ANKRD28: variants seen among roughly 807,000 people sequenced by gnomAD.
ANKRD28 encodes the protein serine/threonine-protein phosphatase 6 regulatory ankyrin repeat subunit A.
Under a neutral mutation model 126.5 loss-of-function variants are expected in ANKRD28, and 44 were observed. The ratio of observed to expected loss-of-function variants is 0.35; its 90% confidence interval spans 0.27 to 0.45. The LOEUF (loss-of-function observed/expected upper bound fraction) is 0.45, where lower values mean the gene tolerates loss of function less well. Among genes scored for constraint, ANKRD28 ranks in the 20% least tolerant of loss-of-function variants. The pLI is 1.00. For synonymous variants in ANKRD28, 442 were observed against 468.5 expected (o/e 0.94, Z 0.73); for missense variants, 1,110 against 1,316.6 (o/e 0.84, Z 2.43).
intron 2 of ANKRD28, among the ~76,000 whole-genome samples, chr3:15,771,741 A>G (rs927698009): frequency 2.6e-5 from 4 of 152,188 alleles, no homozygotes; most frequent in Non-Finnish European, 5.9e-5. Context: ...CATCCAAACG[A>G]TATCATTTAT....
intron 14 of ANKRD28, among the ~76,000 whole-genome samples, chr3:15,706,413 A>G (rs2071405892): frequency 9.2e-6 from 1 of 108,296 alleles, no homozygotes; most frequent in Non-Finnish European, 2.3e-5. Flanking sequence ...TACAAAGGAC[A>G]TAAACTCCTC....
intron 18 of ANKRD28, among the ~76,000 whole-genome samples, chr3:15,688,506 T>C (rs1381240601): frequency 6.6e-6 from 1 of 152,224 alleles, no homozygotes; most frequent in Non-Finnish European, 1.5e-5. Flanking sequence ...TCAAACCATA[T>C]AGTAGTGTAT....
rs749503215 is a variant in ANKRD28 at position 15,713,650 on chromosome 3, T to C, written c.1076-9A>G. The C allele has an allele frequency of 1.5e-5, 23 of 1,568,864 alleles. No individual in the cohort carries two copies. The East Asian group carries it at 2.1e-4, about 14-fold the overall frequency. On this transcript the variant is annotated splice_polypyrimidine_tract_variant and intron_variant, in intron 9 of 27. Coordinates refer to ENST00000683139, the MANE Select transcript of ANKRD28 (RefSeq NM_001349278.2). ...ACAGTCGATTACAGCTCCTGCAATA[T>C]AGGACTTACTGTCAGACACTGGACC...
chr3:15,712,498 T>A (rs921763093), intron 10 of ANKRD28, among the ~76,000 whole-genome samples: 2 of 152,212 alleles, frequency 1.3e-5, no homozygotes, highest in Non-Finnish European at 2.9e-5. Flanking sequence ...GCTTACAGGC[T>A]GTTCAGCAGC....
In ANKRD28 at chr3:15,754,072, T is replaced by C. The variant is rs560039669; in HGVS notation, c.281-2252A>G. On this transcript the variant is annotated intron_variant, in intron 3 of 27. Coordinates refer to ENST00000683139, the MANE Select transcript of ANKRD28 (RefSeq NM_001349278.2). ...ACTTTTATGTAGAAAAAGGAAGAGA[T>C]AATTATTTTTATCTTATCACACAAT... 5.3e-5 allele frequency among the ~76,000 whole-genome samples: 8 copies of C among 152,356 alleles called. 1 individual carries two copies. The South Asian group carries it at 1.2e-3, about 24-fold the overall frequency.
In ANKRD28 at chr3:15,843,544, G is replaced by A. The variant is rs1368339400; in HGVS notation, c.27+15833C>T. On this transcript the variant is annotated intron_variant, in intron 1 of 27. Transcript: ENST00000399451. This position sits in a 1 kb window ranked among gnomAD's most constrained non-coding sequence, Gnocchi z 5.2. ...AACAATACACCTCAATTTCAAATAA[G>A]GATAGAATTAGGAGTACAGCAGAAT... 6.6e-6 allele frequency among the ~76,000 whole-genome samples: 1 copy of A among 151,554 alleles called. No individual in the cohort carries two copies. Among genetic ancestry groups the A allele is most frequent in the Non-Finnish European group, 1.5e-5 (1 of 67,928 alleles).
At chr3:15,796,079 T>C (rs1464963769) in intron 1 of ANKRD28, among the ~76,000 whole-genome samples, 2 of 152,016 alleles carry the variant, frequency 1.3e-5, no homozygotes, top group Admixed American at 1.3e-4. Flanking sequence ...ATATGCAGAG[T>C]TCCTGATTCT....
intron 1 of ANKRD28, among the ~76,000 whole-genome samples, chr3:15,809,475 A>G (rs552627121): frequency 4.7e-4 from 72 of 152,188 alleles, no homozygotes; most frequent in Non-Finnish European, 8.8e-4. Context: ...GAAAGAGCAC[A>G]TGACTGAAAC....
chr3:15,844,694 C>T (rs1280762331), intron 1 of ANKRD28, among the ~76,000 whole-genome samples: 2 of 151,948 alleles, frequency 1.3e-5, no homozygotes, highest in African/African-American at 4.8e-5. Flanking sequence ...AAAATAATCT[C>T]CGTATTGATA....
chr3:15,727,042 T>A (rs1483336575), intron 6 of ANKRD28, among the ~76,000 whole-genome samples: 2 of 152,200 alleles, frequency 1.3e-5, no homozygotes, highest in African/African-American at 4.8e-5. Context: ...TTCAAAATAT[T>A]ACTGCTTATT....
chr3:15,791,974 T>G (rs768436029), intron 2 of ANKRD28, among the ~76,000 whole-genome samples: 52 of 151,986 alleles, frequency 3.4e-4, no homozygotes, highest in Non-Finnish European at 5.4e-4. Flanking sequence ...GACACACAAA[T>G]GGTGAAAAGG....
chr3:15,748,551 G>A (rs1179446548), intron 4 of ANKRD28, among the ~76,000 whole-genome samples: 1 of 152,222 alleles, frequency 6.6e-6, no homozygotes, highest in African/African-American at 2.4e-5. Flanking sequence ...GGGCTTCGCT[G>A]AGAAATCTGC....
intron 4 of ANKRD28, among the ~76,000 whole-genome samples, chr3:15,743,191 A>T (rs1191772430): frequency 2.6e-5 from 4 of 152,054 alleles, no homozygotes. Flanking sequence ...GCTCGTTAAG[A>T]GTCATCACCA....
At chr3:15,739,543 T>C (rs2075291183) in intron 4 of ANKRD28, among the ~76,000 whole-genome samples, 1 of 152,126 alleles carries the variant, frequency 6.6e-6, no homozygotes, top group Non-Finnish European at 1.5e-5. Context: ...TCAAGTCCTA[T>C]AAAACTAACC....
intron 18 of ANKRD28, among the ~76,000 whole-genome samples, chr3:15,688,238 ATATTTTTAAAATGTACT>A (rs1053322318): frequency 2.6e-5 from 4 of 152,212 alleles, no homozygotes; most frequent in Non-Finnish European, 4.4e-5. Context: ...CTATAGATTA[ATATTTTTAAAATGTACT>A]TATTTTTCAC....
intron 23 of ANKRD28, 67 bp downstream of exon 23, chr3:15,679,234 T>G (rs915651269): frequency 6.8e-7 from 1 of 1,462,124 alleles, no homozygotes; most frequent in Admixed American, 1.7e-5. Context: ...CCTCCCAGAT[T>G]GTTAGGATTA....
At chr3:15,693,319 TGGG>T (rs200901276) in intron 17 of ANKRD28, among the ~76,000 whole-genome samples, 2 of 150,176 alleles carry the variant, frequency 1.3e-5, no homozygotes, top group African/African-American at 2.5e-5. Flanking sequence ...AAAATAGTAA[TGGG>T]GGGGCAGAGA....
chr3:15,684,336 G>A (rs963536829), intron 21 of ANKRD28: 1 of 152,196 alleles, frequency 6.6e-6, no homozygotes, highest in Non-Finnish European at 1.5e-5. Context: ...CGATGACTGT[G>A]ACTGTGAGCC....
At chr3:15,810,008 T>G (rs1285399735) in intron 1 of ANKRD28, among the ~76,000 whole-genome samples, 1 of 152,074 alleles carries the variant, frequency 6.6e-6, no homozygotes, top group Non-Finnish European at 1.5e-5. Flanking sequence ...TTGCATAAAA[T>G]AAGGTGGAAA....
Sources: allele counts gnomAD v4.1 joint callset (sites outside exome capture counted in the v4.1 genomes callset), GRCh38; gene constraint gnomAD v4.1.1; non-coding constraint Gnocchi (gnomAD v3.1); transcripts MANE v1.5; gene names NCBI Gene and HGNC (gene_info 2026-07-23, HGNC 2026-07-21).